CR1L: variants seen among roughly 807,000 people sequenced by gnomAD.
The protein encoded by CR1L is complement component receptor 1-like protein.
Under a neutral mutation model 62.3 loss-of-function variants are expected in CR1L, and 59 were observed. The ratio of observed to expected loss-of-function variants is 0.95; its 90% CI spans 0.77 to 1.18. The LOEUF (loss-of-function observed/expected upper bound fraction) is 1.18. Among genes scored for constraint, CR1L ranks in the 50% most tolerant of loss-of-function variants. The pLI is 0.00. For synonymous variants in CR1L, 279 were observed against 248.7 expected (o/e 1.12, Z -1.15); for missense variants, 700 against 702.8 (o/e 1.00, Z 0.04).
chr1:207,710,740 A>G (rs896235499), intron 10 of CR1L: 2 of 1,609,480 alleles, frequency 1.2e-6, no homozygotes, highest in African/African-American at 1.3e-5. Flanking sequence ...GTGCAATGCC[A>G]GGCCCTGAAC....
chr1:207,676,402 C>T (rs1663693290), intron 1 of CR1L, among the ~76,000 whole-genome samples: 1 of 152,126 alleles, frequency 6.6e-6, no homozygotes, highest in South Asian at 2.1e-4. Context: ...CTGAGCTCCA[C>T]CTCCTGTCAG....
intron 1 of CR1L, among the ~76,000 whole-genome samples, chr1:207,660,741 T>C (rs1663406809): frequency 6.6e-6 from 1 of 152,214 alleles, no homozygotes; most frequent in African/African-American, 2.4e-5. Context: ...GATGTTAGGG[T>C]GTCAATTTTA....
chr1:207,694,234 G>A (rs1664035702), intron 4 of CR1L, 119 bp from the exon 5 acceptor site: 2 of 1,249,858 alleles, frequency 1.6e-6, no homozygotes, highest in Non-Finnish European at 2.2e-6. Context: ...TTGTAAAAAT[G>A]TACCTACGTG....
At chr1:207,702,464 A>C (rs1252850112) in intron 9 of CR1L, among the ~76,000 whole-genome samples, 1 of 152,212 alleles carries the variant, frequency 6.6e-6, no homozygotes, top group African/African-American at 2.4e-5. Flanking sequence ...TCTTACTTTA[A>C]ATCAAAAGCT....
At chr1:207,699,374 T>C in intron 8 of CR1L, 100 bp downstream of exon 8, 2 of 1,399,940 alleles carry the variant, frequency 1.4e-6, no homozygotes, top group South Asian at 1.3e-5. Flanking sequence ...TTTTCTAATC[T>C]GAATTATTGA....
At chr1:207,723,421 CAA>C (rs370655665) in intron 11 of CR1L, among the ~76,000 whole-genome samples, 195 bp from the exon 12 acceptor site, 3,242 of 71,760 alleles carry the variant, frequency 0.045, 108 homozygotes, top group African/African-American at 0.12. Flanking sequence ...GAGACTTTGT[CAA>C]AAAAAAAAAA....
Position 207,697,795 on chromosome 1 carries a change from G to A in CR1L, c.1064G>A (p.Gly355Asp). The stretch of plus-strand genomic sequence containing the variant: ...GTGAAATCCTGTGATGACTTCCTGG[G>A]CCAACTTCCTAATGGCCATGTGCTA... ...CEVKSCDDFLGQLPNGHVLFP... is the reference protein window; with the variant it reads ...CEVKSCDDFLDQLPNGHVLFP... The change falls in exon 7 of 12, where the codon GGC becomes GAC. Residue 355 changes from glycine (G) to aspartate (D), a missense_variant. Gly to Asp is a moderately conservative substitution (Grantham distance 94). Coordinates refer to ENST00000508064, the MANE Select transcript of CR1L (RefSeq NM_175710.2). The A allele has an allele frequency of 6.2e-7, 1 of 1,613,958 alleles. No homozygotes were observed. The highest frequency in any genetic ancestry group is 8.5e-7 in the Non-Finnish European group (1 of 1,179,882).
At chr1:207,648,204 CAG>C (rs1553240805) in intron 1 of CR1L, among the ~76,000 whole-genome samples, 18 of 49,442 alleles carry the variant, frequency 3.6e-4, no homozygotes, top group Non-Finnish European at 5.7e-4. Flanking sequence ...CACACACACA[CAG>C]ACACACACAC....
chr1:207,707,352 G>A (rs1415355834), intron 9 of CR1L, among the ~76,000 whole-genome samples: 1 of 152,250 alleles, frequency 6.6e-6, no homozygotes, highest in Non-Finnish European at 1.5e-5. Context: ...ACAAGGCCGA[G>A]CACAGTGGCT....
At position 207,645,328 on chromosome 1, in the gene CR1L, C is replaced by G. The variant is rs200762189; in HGVS notation, c.95C>G (p.Ser32Cys). Residue 32 changes from serine (S) to cysteine (C), a missense_variant and splice_region_variant, in exon 1 of 12, where the codon TCC (serine) becomes TGC (cysteine). Physicochemically the swap from Ser to Cys is moderately radical, Grantham distance 112 (BLOSUM62 -1). Coordinates refer to ENST00000508064, the MANE Select transcript of CR1L (RefSeq NM_175710.2). Reference protein sequence around the residue: ...AALVLLLSSFSDQCNVPEWLP... With the variant: ...AALVLLLSSFCDQCNVPEWLP... ...CTGGTGTTGCTGCTGTCCTCCTTCT[C>G]CGGTAGGACCCCGGGGTGGATTCGC... 4.9e-5 allele frequency: 79 copies of G among 1,613,986 alleles called. 1 individual carries two copies. The highest frequency in any genetic ancestry group is 1.7e-6 in the Non-Finnish European group (2 of 1,179,888).
chr1:207,684,534 C>T (rs1663866304), intron 4 of CR1L, among the ~76,000 whole-genome samples: 1 of 152,114 alleles, frequency 6.6e-6, no homozygotes, highest in African/African-American at 2.4e-5. Flanking sequence ...ATATTTTAAA[C>T]TATGGTTTGG....
intron 4 of CR1L, 68 bp downstream of exon 4, chr1:207,684,025 A>G: frequency 6.9e-7 from 1 of 1,448,632 alleles, no homozygotes; most frequent in Non-Finnish European, 9.5e-7. Context: ...AATAATAAAA[A>G]TCTTAACCGA....
intron 11 of CR1L, among the ~76,000 whole-genome samples, chr1:207,721,394 A>G (rs1156780048): frequency 1.5e-5 from 2 of 132,416 alleles, no homozygotes; most frequent in East Asian, 4.7e-4. Context: ...TTCCGTGTCC[A>G]TGTGATCTCA....
intron 1 of CR1L, among the ~76,000 whole-genome samples, chr1:207,654,193 G>C (rs4844611): frequency 0.39 from 59,538 of 152,042 alleles, 11,851 homozygotes; most frequent in African/African-American, 0.43. Flanking sequence ...AGACAAACCA[G>C]ATTCAAACAA....
At chr1:207,648,428 C>T (rs183087981) in intron 1 of CR1L, among the ~76,000 whole-genome samples, 103 of 152,204 alleles carry the variant, frequency 6.8e-4, no homozygotes, top group African/African-American at 7.7e-4. Flanking sequence ...TGAGAACTCA[C>T]GATGCTAGGC....
chr1:207,683,984 C>A, intron 4 of CR1L, 27 bp downstream of exon 4: 1 of 1,589,442 alleles, frequency 6.3e-7, no homozygotes, highest in South Asian at 1.1e-5. Context: ...ATTCCTATTT[C>A]TTTTACCGAT....
At chr1:207,678,034 T>C (rs550607117) in intron 2 of CR1L, among the ~76,000 whole-genome samples, 164 bp from the exon 3 acceptor site, 2 of 152,330 alleles carry the variant, frequency 1.3e-5, no homozygotes, top group East Asian at 1.9e-4. Flanking sequence ...GAAAGGGAGC[T>C]GATCCTGAGG....
intron 1 of CR1L, among the ~76,000 whole-genome samples, chr1:207,659,689 G>C (rs1280785094): frequency 6.6e-6 from 1 of 152,166 alleles, no homozygotes; most frequent in African/African-American, 2.4e-5. Context: ...GCAAGCTGAA[G>C]CAGAGCGGGA....
chr1:207,715,447 T>C, intron 10 of CR1L: 4 of 1,263,536 alleles, frequency 3.2e-6, no homozygotes, highest in Non-Finnish European at 3.4e-6. Context: ...ATTTTTGTTT[T>C]CCAGTGTTTT....
Sources: allele counts gnomAD v4.1 joint callset (sites outside exome capture counted in the v4.1 genomes callset), GRCh38; gene constraint gnomAD v4.1.1; transcripts MANE v1.5; gene names NCBI Gene and HGNC (gene_info 2026-07-23, HGNC 2026-07-21).